Variants in NCAPG2 observed in about 807,000 individuals in gnomAD.
NCAPG2 encodes non-SMC condensin II complex subunit G2.
Under a neutral mutation model 141.1 loss-of-function variants are expected in NCAPG2, and 53 were observed. The observed-to-expected ratio is 0.38, with a 90% CI of 0.30 to 0.47. The LOEUF is 0.47. Ranked by LOEUF, NCAPG2 falls within the 20% of genes least tolerant of loss-of-function variation. The pLI, the probability that NCAPG2 is intolerant of heterozygous loss-of-function variation, is 0.99. For missense variants in NCAPG2, 1,087 were observed against 1,389.0 expected (o/e 0.78, Z 3.46); for synonymous variants, 499 against 490.7 (o/e 1.02, Z -0.22).
chr7:158,677,785 G>A (rs766724750), intron 11 of NCAPG2, among the ~76,000 whole-genome samples: 19 of 152,202 alleles, frequency 1.2e-4, no homozygotes, highest in Middle Eastern at 3.4e-3. Flanking sequence ...TGTTTCTGTC[G>A]CATCCCTTCA....
chr7:158,689,556 T>C (rs1012009777), intron 6 of NCAPG2, among the ~76,000 whole-genome samples: 1 of 152,270 alleles, frequency 6.6e-6, no homozygotes, highest in African/African-American at 2.4e-5. Context: ...ACCTTATTTT[T>C]AATCATTCTT....
In NCAPG2 at chr7:158,652,311, C is replaced by T; in HGVS notation, c.2916G>A (p.Gln972=). Residue 972 remains glutamine (Q), a synonymous_variant, in exon 23 of 28, where the codon CAG becomes CAA. Transcript: ENST00000356309. ...LECIARSFRK[Q]PEEGLRLLYS... Reference sequence around the variant, plus strand: ...TGAGTACCCGCAGGCCTTCTTCCGGCTGCTTCCTGAAGCTCCGTGCAATAC... The same window carrying T: ...TGAGTACCCGCAGGCCTTCTTCCGGTTGCTTCCTGAAGCTCCGTGCAATAC... 6.2e-7 allele frequency: 1 copy of T among 1,613,580 alleles called. No individual in the cohort carries two copies. Among genetic ancestry groups the T allele is most frequent in the South Asian group, 1.1e-5 (1 of 90,868 alleles).
chr7:158,686,941 G>A (rs1002828444), intron 7 of NCAPG2, among the ~76,000 whole-genome samples: 5 of 152,102 alleles, frequency 3.3e-5, no homozygotes, highest in African/African-American at 4.8e-5. Flanking sequence ...TCTCCATCAC[G>A]CAGGGAGTGG....
rs1359714395 is a variant in NCAPG2 at position 158,671,621 on chromosome 7, C to G, written c.1372G>C (p.Glu458Gln). The G allele has an allele frequency of 1.2e-6, 2 of 1,614,196 alleles. No homozygotes were observed. Among genetic ancestry groups the G allele is most frequent in the Non-Finnish European group, 1.7e-6 (2 of 1,180,038 alleles). ...LDNKLSHPLL[E>Q]QLLPALRYSL... ...TATCTGAGAGCTGGAAGGAGCTGCTCTAACAATGGGTGGCTCAGTTTGTTG... is the reference window on the plus strand; with the variant it reads ...TATCTGAGAGCTGGAAGGAGCTGCTGTAACAATGGGTGGCTCAGTTTGTTG... The change falls in exon 13 of 28, where the codon GAG becomes CAG. Residue 458 changes from glutamate (E) to glutamine (Q), a missense_variant. By Grantham distance (29) the Glu-to-Gln change is conservative (BLOSUM62 2). Transcript: ENST00000356309.
chr7:158,677,929 G>A (rs986771146), intron 11 of NCAPG2, among the ~76,000 whole-genome samples: 2 of 151,858 alleles, frequency 1.3e-5, no homozygotes, highest in East Asian at 3.9e-4. Context: ...TCCCACCTCA[G>A]CCTCCCTAGT....
rs766883400 is a variant in NCAPG2 at position 158,701,938 on chromosome 7, C to T, written c.-39G>A. 8.5e-6 allele frequency: 13 copies of T among 1,526,674 alleles called. No individual in the cohort carries two copies. The highest frequency in any genetic ancestry group is 1.1e-5 in the Non-Finnish European group (12 of 1,118,826). 94.6% of individuals were successfully genotyped at this position (1,526,674 alleles called of 1,614,324 possible). A position where few individuals can be genotyped will look rare whatever the true frequency, so the allele number is the denominator to read the frequency against. ...GTTCAAATGGCATTTATTTTGTAAC[C>T]CTAATGGAAAACACAATCATACTGA... On this transcript the variant is annotated splice_region_variant and 5_prime_UTR_variant, in exon 2 of 28. Transcript: ENST00000356309.
chr7:158,675,810 T>C (rs1172578546), intron 11 of NCAPG2, among the ~76,000 whole-genome samples, 154 bp from the exon 12 acceptor site: 3 of 152,226 alleles, frequency 2.0e-5, no homozygotes, highest in Non-Finnish European at 2.9e-5. Context: ...CTGAGATTAC[T>C]TGCTATCGCT....
intron 2 of NCAPG2, among the ~76,000 whole-genome samples, chr7:158,697,277 T>G (rs1001770834): frequency 1.3e-5 from 2 of 152,194 alleles, no homozygotes; most frequent in African/African-American, 4.8e-5. Context: ...GGTATATTTG[T>G]GTCTTAGTTT....
In NCAPG2 at chr7:158,668,853, A is replaced by T. The variant is rs113653515; in HGVS notation, c.1479+2661T>A. ...TGTGCCATGGTGGTTTGCTGCACAG[A>T]TCATCCCATTACCTAGGTATCAAGC... On this transcript the variant is annotated intron_variant, in intron 13 of 27. Transcript: ENST00000356309. Among the ~76,000 whole-genome samples the T allele has an allele frequency of 2.6e-3, 399 of 152,268 alleles. 5 individuals are homozygous for T. The highest frequency in any genetic ancestry group is 0.017 in the Middle Eastern group (5 of 294).
chr7:158,701,523 A>C (rs1835790149), intron 2 of NCAPG2, among the ~76,000 whole-genome samples: 1 of 152,148 alleles, frequency 6.6e-6, no homozygotes, highest in South Asian at 2.1e-4. Flanking sequence ...TTCCTGCTGA[A>C]CTTCAAGTTC....
Position 158,659,028 on chromosome 7 carries a change from A to T in NCAPG2, c.1990-620T>A, listed in dbSNP as rs1358588961. Among the ~76,000 whole-genome samples the T allele has an allele frequency of 1.3e-4, 18 of 138,500 alleles. No individual in the cohort carries two copies. The South Asian group carries it at 3.2e-3, about 25-fold the overall frequency. 90.9% of individuals were successfully genotyped at this position (138,500 alleles called of 152,430 possible). On this transcript the variant is annotated intron_variant, in intron 16 of 27. Transcript: ENST00000356309. ...CTGGGCAACAGGGCATTATATTTAAAAAAAAAAAAAAAAAAAAAAGGCCAG... is the reference window on the plus strand; with the variant it reads ...CTGGGCAACAGGGCATTATATTTAATAAAAAAAAAAAAAAAAAAAGGCCAG...
chr7:158,696,473 A>G (rs1835450294), intron 2 of NCAPG2: 1 of 152,252 alleles, frequency 6.6e-6, no homozygotes, highest in African/African-American at 2.4e-5. Context: ...ATGTGATTAT[A>G]TAACAGAATA....
intron 27 of NCAPG2, among the ~76,000 whole-genome samples, chr7:158,641,726 A>AT (rs1830665866): frequency 6.6e-6 from 1 of 152,376 alleles, no homozygotes; most frequent in South Asian, 2.1e-4. Flanking sequence ...ACAATCATCA[A>AT]TGTGTGGACC....
At chr7:158,681,441 C>T (rs1834450574) in intron 9 of NCAPG2, among the ~76,000 whole-genome samples, 1 of 152,194 alleles carries the variant, frequency 6.6e-6, no homozygotes, top group Middle Eastern at 3.2e-3. Context: ...ATGTCCCTAA[C>T]AACAATTAAT....
chr7:158,682,183 T>C (rs1834489112), intron 9 of NCAPG2, among the ~76,000 whole-genome samples: 1 of 152,184 alleles, frequency 6.6e-6, no homozygotes, highest in African/African-American at 2.4e-5. Flanking sequence ...AAAACATACA[T>C]AGTTTACATA....
At chr7:158,677,542 A>AAAAAAAAAAAAAAAAAAAAAC (rs1834164304) in intron 11 of NCAPG2, among the ~76,000 whole-genome samples, 1 of 127,878 alleles carries the variant, frequency 7.8e-6, no homozygotes, top group Non-Finnish European at 1.7e-5. Context: ...AAAAAAAAAA[A>AAAAAAAAAAAAAAAAAAAAAC]AAAAAACAGA....
In NCAPG2 at chr7:158,664,686, G is replaced by C; in HGVS notation, c.1544C>G (p.Ser515Cys). The change falls in exon 14 of 28, where the codon TCT becomes TGT. Residue 515 changes from serine to cysteine, a missense_variant. Coordinates refer to ENST00000356309, the MANE Select transcript of NCAPG2 (RefSeq NM_017760.7). ...AAAGATGAGGCTCACCAGGCGCCGA[G>C]ACACAGGTCGAGAATCAGTTTCCAG... ...VRLETDSRPVSRRLVSLIFNS... is the reference protein window; with the variant it reads ...VRLETDSRPVCRRLVSLIFNS... 1 of 1,614,130 alleles carries C rather than the reference G, an allele frequency of 6.2e-7. No homozygotes were observed. Among genetic ancestry groups the C allele is most frequent in the Non-Finnish European group, 8.5e-7 (1 of 1,180,030 alleles).
intron 27 of NCAPG2, among the ~76,000 whole-genome samples, chr7:158,636,132 G>C (rs910852656): frequency 6.6e-6 from 1 of 152,108 alleles, no homozygotes; most frequent in African/African-American, 2.4e-5. Flanking sequence ...AGAGGGGATG[G>C]CATGCAGGTG....
At chr7:158,676,123 G>A (rs142121506) in intron 11 of NCAPG2, among the ~76,000 whole-genome samples, 5 of 152,280 alleles carry the variant, frequency 3.3e-5, no homozygotes, top group African/African-American at 1.2e-4. Context: ...ACCCCGATGG[G>A]AGTATTCGAC....
Sources: gnomAD v4.1 joint callset for allele counts (sites outside exome capture counted in the v4.1 genomes callset) on GRCh38, gnomAD v4.1.1 for gene constraint, MANE v1.5 for transcripts, NCBI Gene and HGNC (gene_info 2026-07-23, HGNC 2026-07-21) for gene names.